The following IQCH variants were observed in gnomAD, a reference collection of about 807,000 sequenced individuals.
The protein encoded by IQCH is IQ motif containing H.
A neutral mutation model predicts 117.0 loss-of-function variants in IQCH; 98 were observed. That is an observed-to-expected ratio of 0.84 (90% confidence interval 0.71 to 0.99). The LOEUF (loss-of-function observed/expected upper bound fraction) is 0.99, where lower values mean the gene tolerates loss of function less well. Ranked by LOEUF, IQCH falls within the 50% of genes least tolerant of loss-of-function variation. IQCH has a pLI of 0.00. For synonymous variants in IQCH, 412 were observed against 448.2 expected, an observed-to-expected ratio of 0.92 and a Z score of 1.02; for missense variants, 1,102 against 1,243.8, an observed-to-expected ratio of 0.89 and a Z score of 1.72.
chr15:67,349,339 C>G (rs2140706683), intron 6 of IQCH, among the ~76,000 whole-genome samples: 1 of 152,260 alleles, frequency 6.6e-6, no homozygotes, highest in South Asian at 2.1e-4. Flanking sequence ...TATAGATTGG[C>G]CAGGCACAGT....
In IQCH at chr15:67,427,299, C is replaced by A. The variant is rs180839171; in HGVS notation, c.2505+5722C>A. Among the ~76,000 whole-genome samples, 55 of 152,274 alleles carry A rather than the reference C, an allele frequency of 3.6e-4. No individual in the cohort carries two copies. The highest frequency in any genetic ancestry group is 1.2e-3 in the African/African-American group (50 of 41,552). ...CTCCATGCCTCATGTGCTTGGATCC[C>A]AATCCTGTCATTTGTGTTTTATTTG... On this transcript the variant is annotated intron_variant, in intron 16 of 20. Transcript: ENST00000335894. This position sits in a 1 kb window ranked among gnomAD's most constrained non-coding sequence, Gnocchi z 4.7.
rs1057348158 is a variant in IQCH at position 67,427,405 on chromosome 15, A to G, written c.2505+5828A>G. On this transcript the variant is annotated intron_variant, in intron 16 of 20. Transcript: ENST00000335894. The surrounding 1 kb of genome is among the most constrained non-coding windows in gnomAD (Gnocchi z 4.7). ...TTTCTTTTCTTTTTTTTGTAGAGAT[A>G]GGGTCTCACTATGTTGCCCAGGCTG... is the stretch of plus-strand genomic sequence containing the variant. 2.0e-5 allele frequency among the ~76,000 whole-genome samples: 3 copies of G among 152,072 alleles called. No homozygotes were observed. Among genetic ancestry groups the G allele is most frequent in the Admixed American group, 6.6e-5 (1 of 15,248 alleles).
intron 4 of IQCH, among the ~76,000 whole-genome samples, chr15:67,292,755 C>G (rs770856666): frequency 2.6e-5 from 4 of 152,154 alleles, no homozygotes; most frequent in Non-Finnish European, 5.9e-5. Context: ...TGAACTGTTT[C>G]TCTTTCACTC....
intron 4 of IQCH, among the ~76,000 whole-genome samples, chr15:67,287,112 G>C (rs1468977185): frequency 1.3e-5 from 2 of 152,068 alleles, no homozygotes; most frequent in Non-Finnish European, 2.9e-5. Context: ...TTCCATTTCT[G>C]GGATAAATCC....
chr15:67,357,304 C>T lies in IQCH; in HGVS notation c.638-41C>T, dbSNP rs368768816. ...TAGCATCCAACCAGTGACTCAGCCT[C>T]TTCTTCTGGAAAAGGTAACATGTAC... On this transcript the variant is annotated intron_variant, in intron 6 of 20. Coordinates refer to ENST00000335894, the MANE Select transcript of IQCH (RefSeq NM_001031715.3). 37 of 1,386,264 alleles carry T rather than the reference C, an allele frequency of 2.7e-5. No individual in the cohort carries two copies. The African/African-American group carries it at 4.7e-4, about 18-fold the overall frequency. 85.9% of individuals were successfully genotyped at this position (1,386,264 alleles called of 1,614,324 possible). A position where few individuals can be genotyped will look rare whatever the true frequency, so the allele number is the denominator to read the frequency against.
intron 9 of IQCH, among the ~76,000 whole-genome samples, chr15:67,372,936 T>C (rs1031984894): frequency 6.6e-6 from 1 of 152,152 alleles, no homozygotes; most frequent in Non-Finnish European, 1.5e-5. Context: ...TCACTTTGAC[T>C]ATGGTAGTTC....
At chr15:67,423,666 G>A (rs1301431853) in intron 16 of IQCH, among the ~76,000 whole-genome samples, 2 of 151,664 alleles carry the variant, frequency 1.3e-5, no homozygotes, top group African/African-American at 2.4e-5. Flanking sequence ...ATTTTGGGAG[G>A]CGCAGGCGGG....
At chr15:67,294,241 A>G (rs1966840563) in intron 4 of IQCH, among the ~76,000 whole-genome samples, 1 of 152,080 alleles carries the variant, frequency 6.6e-6, no homozygotes, top group Admixed American at 6.6e-5. Context: ...TTATTTCACT[A>G]TTTATCACTT....
At chr15:67,486,173 GGT>G (rs942708424) in intron 18 of IQCH, among the ~76,000 whole-genome samples, 2 of 150,654 alleles carry the variant, frequency 1.3e-5, no homozygotes, top group African/African-American at 2.4e-5. Context: ...TGGGACTACA[GGT>G]GCGTGCCACC....
At chr15:67,455,939 A>C (rs183055057) in intron 16 of IQCH, among the ~76,000 whole-genome samples, 7 of 152,372 alleles carry the variant, frequency 4.6e-5, no homozygotes, top group Admixed American at 4.6e-4. Flanking sequence ...TTAGTGCTTA[A>C]TGTCAAAATA....
intron 6 of IQCH, among the ~76,000 whole-genome samples, chr15:67,349,008 G>A (rs555873995): frequency 3.3e-5 from 5 of 152,276 alleles, no homozygotes; most frequent in African/African-American, 9.6e-5. Flanking sequence ...CAATGGAGAA[G>A]GCATAATTTT....
chr15:67,383,848 A>G (rs1235395900), intron 10 of IQCH, among the ~76,000 whole-genome samples: 1 of 152,178 alleles, frequency 6.6e-6, no homozygotes. Flanking sequence ...AGACTTTTAG[A>G]TGATTGTAAA....
At chr15:67,348,944 A>G (rs1174401218) in intron 6 of IQCH, among the ~76,000 whole-genome samples, 1 of 152,228 alleles carries the variant, frequency 6.6e-6, no homozygotes, top group African/African-American at 2.4e-5. Context: ...GAGTACAGAA[A>G]TAGAACCACA....
chr15:67,470,412 T>C (rs2083043599), intron 17 of IQCH, among the ~76,000 whole-genome samples: 1 of 152,148 alleles, frequency 6.6e-6, no homozygotes, highest in Non-Finnish European at 1.5e-5. Context: ...TCTCCTGACC[T>C]CATGATCCGC....
At position 67,416,704 on chromosome 15, in the gene IQCH, A is replaced by G. The variant is rs1289026899; in HGVS notation, c.2098-227A>G. ...GCCCAGAGAGAAGGGTGCCTTTCAGAGACAACAGGAACAATTAAGAATTTT... is the reference window on the plus strand; with the variant it reads ...GCCCAGAGAGAAGGGTGCCTTTCAGGGACAACAGGAACAATTAAGAATTTT... On this transcript the variant is annotated intron_variant, in intron 14 of 20. Transcript: ENST00000335894. The surrounding 1 kb of genome is among the most constrained non-coding windows in gnomAD (Gnocchi z 5.1). Among the ~76,000 whole-genome samples, 1 of 152,168 alleles carries G rather than the reference A, an allele frequency of 6.6e-6. No individual in the cohort carries two copies. Among genetic ancestry groups the G allele is most frequent in the African/African-American group, 2.4e-5 (1 of 41,438 alleles).
intron 4 of IQCH, among the ~76,000 whole-genome samples, chr15:67,299,157 A>C (rs545182484): frequency 1.3e-4 from 20 of 152,134 alleles, no homozygotes; most frequent in Non-Finnish European, 1.2e-4. Flanking sequence ...TAAGTGAAAT[A>C]AGCCAGGCAT....
At chr15:67,397,923 G>A (rs954805382) in intron 13 of IQCH, among the ~76,000 whole-genome samples, 19 of 152,230 alleles carry the variant, frequency 1.2e-4, no homozygotes, top group African/African-American at 4.6e-4. Flanking sequence ...CATGCTCCAT[G>A]GGAAATATTG....
At chr15:67,300,606 T>A (rs1966978552) in intron 4 of IQCH, among the ~76,000 whole-genome samples, 1 of 152,222 alleles carries the variant, frequency 6.6e-6, no homozygotes, top group South Asian at 2.1e-4. Flanking sequence ...TAGAAGACAC[T>A]ACTTGCAGGA....
intron 5 of IQCH, among the ~76,000 whole-genome samples, chr15:67,340,449 A>AAAAAAAAG (rs1969111839): frequency 6.9e-6 from 1 of 145,192 alleles, no homozygotes; most frequent in East Asian, 2.0e-4. Flanking sequence ...AAAAAAAAAA[A>AAAAAAAAG]AAAAAAAAAA....
Sources: gnomAD v4.1 joint callset for allele counts (sites outside exome capture counted in the v4.1 genomes callset) on GRCh38, gnomAD v4.1.1 for gene constraint, Gnocchi (gnomAD v3.1) non-coding constraint, MANE v1.5 for transcripts, NCBI Gene and HGNC (gene_info 2026-07-23, HGNC 2026-07-21) for gene names.